The following ELFN2 variants were observed in gnomAD, a reference collection of about 807,000 sequenced individuals.
ELFN2 encodes protein phosphatase 1 regulatory subunit 29.
A neutral mutation model predicts 45.5 loss-of-function variants in ELFN2; 17 were observed. That is an observed-to-expected ratio of 0.37 (90% CI 0.26 to 0.56). The LOEUF (loss-of-function observed/expected upper bound fraction) is 0.56, where lower values mean the gene tolerates loss of function less well. Among genes scored for constraint, ELFN2 ranks in the 20% least tolerant of loss-of-function variants. The pLI is 0.77. For missense variants in ELFN2, 922 were observed against 1,183.2 expected (o/e 0.78, Z 3.24); for synonymous variants, 550 against 551.5 (o/e 1.00, Z 0.04).
At chr22:37,381,864 G>A (rs1162959716) in intron 2 of ELFN2, among the ~76,000 whole-genome samples, 1 of 143,364 alleles carries the variant, frequency 7.0e-6, no homozygotes, top group African/African-American at 2.5e-5. Flanking sequence ...GCTGAGGCAG[G>A]AAAATGGCAT....
At chr22:37,376,241 T>C (rs1483313320) in intron 2 of ELFN2, among the ~76,000 whole-genome samples, 1 of 151,948 alleles carries the variant, frequency 6.6e-6, no homozygotes, top group Admixed American at 6.5e-5. Flanking sequence ...GGGCAGAGAC[T>C]GAGGATCATG....
At chr22:37,388,755 C>T (rs1393920219) in intron 2 of ELFN2, among the ~76,000 whole-genome samples, 2 of 152,204 alleles carry the variant, frequency 1.3e-5, no homozygotes, top group Non-Finnish European at 2.9e-5. Flanking sequence ...CTCAGGGCCT[C>T]AGTCTTCTCA....
intron 2 of ELFN2, among the ~76,000 whole-genome samples, chr22:37,394,040 C>A (rs1447786218): frequency 1.3e-5 from 2 of 152,232 alleles, no homozygotes; most frequent in African/African-American, 4.8e-5. Context: ...GACTGATGTC[C>A]ACAGGCCCAG....
At chr22:37,355,281 G>T (rs62237486) in intron 1 of ELFN2, among the ~76,000 whole-genome samples, 1 of 152,222 alleles carries the variant, frequency 6.6e-6, no homozygotes, top group Admixed American at 6.5e-5. Context: ...AGCACTGGCC[G>T]TTTGCCTGTT....
intron 1 of ELFN2, among the ~76,000 whole-genome samples, chr22:37,343,051 A>C (rs761870080): frequency 6.6e-6 from 1 of 152,164 alleles, no homozygotes; most frequent in Non-Finnish European, 1.5e-5. Flanking sequence ...ACAGAAAGGA[A>C]TATGGCAGAT....
chr22:37,410,826 A>G (rs1466137113), intron 2 of ELFN2, among the ~76,000 whole-genome samples: 3 of 152,164 alleles, frequency 2.0e-5, no homozygotes, highest in African/African-American at 7.2e-5. Flanking sequence ...TCTACTCCAA[A>G]GCCCATCGGC....
At chr22:37,415,022 C>G (rs975504118) in intron 2 of ELFN2, among the ~76,000 whole-genome samples, 1 of 152,212 alleles carries the variant, frequency 6.6e-6, no homozygotes, top group Admixed American at 6.5e-5. Context: ...CCCCATTGTA[C>G]AGGTGAAGAA....
chr22:37,346,370 T>C (rs752066857), intron 1 of ELFN2, among the ~76,000 whole-genome samples: 63 of 151,776 alleles, frequency 4.2e-4, no homozygotes, highest in Middle Eastern at 3.4e-3. Context: ...TGCCCTCCAG[T>C]CTCCAGCACC....
chr22:37,377,667 T>C (rs1242195281), intron 2 of ELFN2, among the ~76,000 whole-genome samples: 1 of 152,186 alleles, frequency 6.6e-6, no homozygotes, highest in African/African-American at 2.4e-5. Flanking sequence ...TAAAGGCTGA[T>C]GCTACGTCAG....
intron 1 of ELFN2, among the ~76,000 whole-genome samples, chr22:37,360,813 G>T (rs541047288): frequency 6.6e-6 from 1 of 152,316 alleles, no homozygotes; most frequent in African/African-American, 2.4e-5. Context: ...AGGCAACAAA[G>T]CAGAACAAAG....
chr22:37,363,961 G>A (rs535777931), downstream of ELFN2, among the ~76,000 whole-genome samples: 1 of 152,278 alleles, frequency 6.6e-6, no homozygotes, highest in African/African-American at 2.4e-5. Flanking sequence ...AGGGCCTTGG[G>A]AAGGAGGCTC....
rs1310174692 is a variant in ELFN2, at chr22:37,368,199, C to T, written c.*4873G>A. 1 of 152,344 alleles carries T rather than the reference C, an allele frequency of 6.6e-6. No individual in the cohort carries two copies. The highest frequency in any genetic ancestry group is 2.4e-5 in the African/African-American group (1 of 41,570). 9.4% of individuals were successfully genotyped at this position (152,344 alleles called of 1,614,324 possible). On this transcript the variant is annotated 3_prime_UTR_variant, in exon 3 of 3. Transcript: ENST00000402918. ...GTAACACAGCAAGGGTTCACAGGTT[C>T]AGAGCCCAGGGCCTGAGCCCAGCTC...
chr22:37,407,240 T>C (rs773813444), intron 2 of ELFN2, among the ~76,000 whole-genome samples: 2 of 152,122 alleles, frequency 1.3e-5, no homozygotes, highest in Non-Finnish European at 2.9e-5. Flanking sequence ...TCTGGGAAAG[T>C]CCTTGCCCCT....
intron 2 of ELFN2, among the ~76,000 whole-genome samples, chr22:37,414,583 G>T (rs1320953440): frequency 6.6e-6 from 1 of 152,146 alleles, no homozygotes; most frequent in African/African-American, 2.4e-5. Flanking sequence ...TGCATCCTAG[G>T]TCTCTTCCAC....
intron 2 of ELFN2, among the ~76,000 whole-genome samples, chr22:37,395,865 GA>G (rs968683692): frequency 7.9e-5 from 12 of 152,290 alleles, no homozygotes; most frequent in African/African-American, 2.9e-4. Context: ...GGGCTCAGGG[GA>G]CAAGCAGGGT....
chr22:37,389,144 A>C (rs1569136835), intron 2 of ELFN2, among the ~76,000 whole-genome samples: 4 of 152,144 alleles, frequency 2.6e-5, no homozygotes, highest in Non-Finnish European at 4.4e-5. Context: ...CCAAGGCCAC[A>C]TGGCTGCAAG....
At chr22:37,385,550 C>T (rs1212982910) in intron 2 of ELFN2, among the ~76,000 whole-genome samples, 3 of 152,224 alleles carry the variant, frequency 2.0e-5, no homozygotes, top group Non-Finnish European at 4.4e-5. Context: ...TGGCACAGGC[C>T]GGGGCAGCAT....
chr22:37,365,850 C>T (rs976279983), downstream of ELFN2, among the ~76,000 whole-genome samples: 8 of 152,218 alleles, frequency 5.3e-5, no homozygotes, highest in Non-Finnish European at 1.0e-4. Flanking sequence ...AAAAATAACA[C>T]GTTTATGCCA....
chr22:37,403,947 G>A (rs943666097), intron 2 of ELFN2, among the ~76,000 whole-genome samples: 14 of 152,210 alleles, frequency 9.2e-5, no homozygotes, highest in Admixed American at 7.2e-4. Context: ...AGAAAGAGAG[G>A]GACGTCCCCA....
Sources: gnomAD v4.1 joint callset for allele counts (sites outside exome capture counted in the v4.1 genomes callset) on GRCh38, gnomAD v4.1.1 for gene constraint, MANE v1.5 for transcripts, NCBI Gene and HGNC (gene_info 2026-07-23, HGNC 2026-07-21) for gene names.